MECOM: variants seen among roughly 807,000 people sequenced by gnomAD.
MECOM encodes MDS1 and EVI1 complex locus, also known as histone-lysine N-methyltransferase MECOM.
MECOM carries 13 observed loss-of-function variants against 116.3 expected under a neutral mutation model. The observed-to-expected ratio is 0.11, with a 90% confidence interval of 0.07 to 0.18. The LOEUF (loss-of-function observed/expected upper bound fraction) is 0.18. Among genes scored for constraint, MECOM ranks in the 10% least tolerant of loss-of-function variants. The pLI is 1.00. For missense variants in MECOM, 1,299 were observed against 1,509.0 expected, an observed-to-expected ratio of 0.86 and a Z score of 2.31; for synonymous variants, 528 against 535.2, an observed-to-expected ratio of 0.99 and a Z score of 0.19.
chr3:169,246,611 C>T (rs1469316142), intron 2 of MECOM, among the ~76,000 whole-genome samples: 1 of 151,524 alleles, frequency 6.6e-6, no homozygotes, highest in Non-Finnish European at 1.5e-5. Flanking sequence ...TCACTGCAAC[C>T]TCTGCCTCCC....
At chr3:169,350,271 A>G (rs1726094287) in intron 2 of MECOM, among the ~76,000 whole-genome samples, 1 of 151,920 alleles carries the variant, frequency 6.6e-6, no homozygotes, top group African/African-American at 2.4e-5. Context: ...GAGACTTGGA[A>G]CCTGGTCTAA....
chr3:169,352,478 G>A (rs747911093), intron 2 of MECOM, among the ~76,000 whole-genome samples: 10 of 151,702 alleles, frequency 6.6e-5, no homozygotes, highest in African/African-American at 1.5e-4. Flanking sequence ...GTTGTCTAAC[G>A]TAAAAACTCA....
chr3:169,538,288 C>A (rs1560407431), intron 1 of MECOM, among the ~76,000 whole-genome samples: 1 of 152,158 alleles, frequency 6.6e-6, no homozygotes, highest in East Asian at 1.9e-4. Flanking sequence ...CCTAATTATT[C>A]ACCTACTTTC....
intron 1 of MECOM, chr3:169,447,869 T>G (rs1447976232): frequency 6.6e-6 from 1 of 152,200 alleles, no homozygotes. Context: ...AAATGAAAGA[T>G]TGGTGAGTAA....
At chr3:169,270,510 C>T (rs1364052484) in intron 2 of MECOM, among the ~76,000 whole-genome samples, 4 of 151,978 alleles carry the variant, frequency 2.6e-5, no homozygotes, top group African/African-American at 9.7e-5. Flanking sequence ...GTAAAATACA[C>T]TTATATCCTA....
chr3:169,579,033 T>C (rs1267765988), intron 1 of MECOM, among the ~76,000 whole-genome samples: 2 of 152,214 alleles, frequency 1.3e-5, no homozygotes, highest in African/African-American at 2.4e-5. Flanking sequence ...TTAATAACCA[T>C]TATTTAATTA....
chr3:169,329,627 T>A (rs917342833), intron 2 of MECOM, among the ~76,000 whole-genome samples: 1 of 152,216 alleles, frequency 6.6e-6, no homozygotes, highest in South Asian at 2.1e-4. Flanking sequence ...TTCTTGTTCA[T>A]AGTAAAGTTG....
intron 1 of MECOM, among the ~76,000 whole-genome samples, chr3:169,613,358 C>T (rs748541852): frequency 1.1e-4 from 17 of 152,246 alleles, no homozygotes; most frequent in Non-Finnish European, 1.9e-4. Context: ...AACATCGGGG[C>T]GGAAATGCAT....
intron 1 of MECOM, among the ~76,000 whole-genome samples, chr3:169,552,926 A>G (rs1761583072): frequency 1.3e-5 from 2 of 152,122 alleles, no homozygotes; most frequent in South Asian, 4.1e-4. Flanking sequence ...ATGCCAAGGT[A>G]AATATCCTAT....
At chr3:169,269,967 GGT>G (rs72249209) in intron 2 of MECOM, among the ~76,000 whole-genome samples, 19,723 of 149,002 alleles carry the variant, frequency 0.13, 3,352 homozygotes, top group African/African-American at 0.4. Context: ...CGTATATAAA[GGT>G]GTGTGTGTGT....
intron 1 of MECOM, among the ~76,000 whole-genome samples, chr3:169,491,148 T>A (rs1435462857): frequency 6.6e-6 from 1 of 152,172 alleles, no homozygotes; most frequent in African/African-American, 2.4e-5. Context: ...TGAGTCAATA[T>A]GCCCAGTCTG....
chr3:169,273,248 C>G (rs1759169154), intron 2 of MECOM, among the ~76,000 whole-genome samples: 1 of 152,112 alleles, frequency 6.6e-6, no homozygotes, highest in South Asian at 2.1e-4. Flanking sequence ...ACAAAATACA[C>G]TATATGATTT....
At chr3:169,565,267 A>T (rs1763096644) in intron 1 of MECOM, among the ~76,000 whole-genome samples, 1 of 152,126 alleles carries the variant, frequency 6.6e-6, no homozygotes, top group Non-Finnish European at 1.5e-5. Context: ...ATTGAATATG[A>T]CTGTAAGGCC....
chr3:169,660,176 A>G (rs1776094752), intron 1 of MECOM, among the ~76,000 whole-genome samples: 1 of 152,190 alleles, frequency 6.6e-6, no homozygotes, highest in Non-Finnish European at 1.5e-5. Flanking sequence ...GTGCTGTCCT[A>G]GCTGCCCAAG....
chr3:169,634,794 C>T (rs1577209149), intron 1 of MECOM, among the ~76,000 whole-genome samples: 1 of 152,228 alleles, frequency 6.6e-6, no homozygotes, highest in East Asian at 1.9e-4. Context: ...ACACACCCAG[C>T]TCTTGGCAGT....
chr3:169,480,933 A>T (rs974553739), intron 1 of MECOM, among the ~76,000 whole-genome samples: 3 of 152,014 alleles, frequency 2.0e-5, no homozygotes, highest in African/African-American at 7.3e-5. Context: ...TGTTTTGTTG[A>T]GTTTTGTTTT....
chr3:169,150,076 G>A (rs907412482), intron 2 of MECOM, among the ~76,000 whole-genome samples: 1 of 149,462 alleles, frequency 6.7e-6, no homozygotes. Context: ...TTCATGTAAA[G>A]GCAGAGTCAT....
At chr3:169,498,700 TA>T (rs978052766) in intron 1 of MECOM, among the ~76,000 whole-genome samples, 7 of 152,124 alleles carry the variant, frequency 4.6e-5, no homozygotes, top group East Asian at 3.8e-4. Flanking sequence ...GATAGGCTCT[TA>T]AAAAATAAAT....
chr3:169,533,150 G>C (rs546512904), intron 1 of MECOM, among the ~76,000 whole-genome samples: 1 of 146,452 alleles, frequency 6.8e-6, no homozygotes, highest in Non-Finnish European at 1.5e-5. Context: ...GGAATATTAA[G>C]CAGCCATCAG....
Sources: gnomAD v4.1 joint callset for allele counts (sites outside exome capture counted in the v4.1 genomes callset) on GRCh38, gnomAD v4.1.1 for gene constraint, MANE v1.5 for transcripts, NCBI Gene and HGNC (gene_info 2026-07-23, HGNC 2026-07-21) for gene names.